Variants in GOLGA8K observed in about 807,000 individuals in gnomAD.
GOLGA8K encodes the protein golgin A8 family member K.
A neutral mutation model predicts 75.2 loss-of-function variants in GOLGA8K; 12 were observed. That is an observed-to-expected ratio of 0.16 (90% CI 0.10 to 0.26). The LOEUF (loss-of-function observed/expected upper bound fraction) is 0.26. Ranked by LOEUF, GOLGA8K falls within the 10% of genes least tolerant of loss-of-function variation. GOLGA8K has a pLI of 1.00. For synonymous variants in GOLGA8K, 48 were observed against 236.6 expected (o/e 0.20, Z 7.32); for missense variants, 109 against 640.8 (o/e 0.17, Z 8.96).
chr15:32,401,649 G>GA (rs372835527), intron 1 of GOLGA8K, among the ~76,000 whole-genome samples, 174 bp from the exon 2 acceptor site: 10,304 of 71,884 alleles, frequency 0.14, 759 homozygotes, highest in East Asian at 0.41. Flanking sequence ...ATCATGGCTA[G>GA]AAAAAAAAAA....
chr15:32,393,589 A>T lies in GOLGA8K; in HGVS notation c.1366-19T>A. On this transcript the variant is annotated intron_variant, in intron 15 of 18. Coordinates refer to ENST00000512626, the MANE Select transcript of GOLGA8K (RefSeq NM_001282493.2). ...AGCTGCTCTGGAGCCAAAATATTGC[A>T]GTCACATCTCGGCAGCGACCTGCCC... 1 of 979,044 alleles carries T rather than the reference A, an allele frequency of 1.0e-6. No individual in the cohort carries two copies. The highest frequency in any genetic ancestry group is 1.4e-5 in the South Asian group (1 of 69,606). 60.6% of individuals were successfully genotyped at this position (979,044 alleles called of 1,614,324 possible).
chr15:32,394,909 T>C (rs2054588819), intron 13 of GOLGA8K, among the ~76,000 whole-genome samples, 169 bp from the exon 14 acceptor site: 1 of 145,086 alleles, frequency 6.9e-6, no homozygotes, highest in Non-Finnish European at 1.5e-5. Flanking sequence ...ATTAGCTGGG[T>C]CTGCTGCAGT....
In GOLGA8K at chr15:32,394,240, G is replaced by T. The variant is rs575034543; in HGVS notation, c.1277-7C>A. ...TCCAGATGTTCTCCGTGTCCTGTGG[G>T]GGGTGGCCAGAGGGGTCTTCAGACA... On this transcript the variant is annotated splice_region_variant and splice_polypyrimidine_tract_variant and intron_variant, in intron 14 of 18. Transcript: ENST00000512626. 11 of 1,526,730 alleles carry T rather than the reference G, an allele frequency of 7.2e-6. 1 individual carries two copies. The highest frequency in any genetic ancestry group is 9.7e-6 in the Non-Finnish European group (11 of 1,131,794). 94.6% of individuals were successfully genotyped at this position (1,526,730 alleles called of 1,614,324 possible).
chr15:32,396,146 C>T, intron 12 of GOLGA8K, 115 bp from the exon 13 acceptor site: 1 of 693,160 alleles, frequency 1.4e-6, no homozygotes, highest in South Asian at 1.7e-5. Context: ...ATCACTCCCT[C>T]TCTCCCACAG....
chr15:32,397,256 G>T lies in GOLGA8K; in HGVS notation c.733C>A (p.Leu245Ile), dbSNP rs773101379. The change falls in exon 10 of 19, where the codon CTA (leucine) becomes ATA (isoleucine). Residue 245 changes from leucine (L) to isoleucine (I), a missense_variant. Leu to Ile is a conservative substitution (Grantham distance 5, BLOSUM62 2). Transcript: ENST00000512626. ...QLERDEYSEH[L>I]KGERARWQQR... ...TGCCACCGGGCCCTCTCTCCTTTTA[G>T]ATGTTCAGAATACTCATCTCTTTCT... 25 of 1,567,878 alleles carry T rather than the reference G, an allele frequency of 1.6e-5. 2 individuals carry two copies. Among genetic ancestry groups the T allele is most frequent in the African/African-American group, 1.2e-4 (8 of 67,782 alleles).
chr15:32,395,584 T>G, intron 13 of GOLGA8K, among the ~76,000 whole-genome samples: 2 of 144,526 alleles, frequency 1.4e-5, no homozygotes, highest in African/African-American at 2.5e-5. Flanking sequence ...AGAGATGAGG[T>G]TTTACCACAT....
Position 32,394,982 on chromosome 15 carries a change from C to A in GOLGA8K, c.1201-242G>T, listed in dbSNP as rs1490967094. Among the ~76,000 whole-genome samples, 3 of 150,064 alleles carry A rather than the reference C, an allele frequency of 2.0e-5. No individual in the cohort carries two copies. The East Asian group carries it at 6.0e-4, about 30-fold the overall frequency. On this transcript the variant is annotated intron_variant, in intron 13 of 18. Coordinates refer to ENST00000512626, the MANE Select transcript of GOLGA8K (RefSeq NM_001282493.2). The stretch of plus-strand genomic sequence containing the variant: ...GCTGATAGGTGGCCACGTACTGCTG[C>A]AGGTGACCCAGGTAATGGTCTGGCT...
intron 13 of GOLGA8K, 124 bp downstream of exon 13, chr15:32,395,839 G>A (rs2054605631): frequency 2.7e-6 from 4 of 1,505,236 alleles, no homozygotes; most frequent in Non-Finnish European, 3.6e-6. Context: ...ACTGCCCTGG[G>A]GGGTGCTGTG....
At position 32,395,966 on chromosome 15, in the gene GOLGA8K, G is replaced by A. The variant is rs1439306903; in HGVS notation, c.1197C>T (p.Gly399=). The A allele has an allele frequency of 2.4e-5, 30 of 1,229,732 alleles. 2 individuals are homozygous for A. The highest frequency in any genetic ancestry group is 2.0e-4 in the African/African-American group (13 of 64,952). 76.2% of individuals were successfully genotyped at this position (1,229,732 alleles called of 1,614,324 possible). ...TGGAGGTTTCCGTCTCCTTCACCTC[G>A]CCAAGCTTCTCCTGTAGCTCCTTTA... is the stretch of plus-strand genomic sequence containing the variant. The part of the protein sequence containing the change: ...QQVKELQEKL[G]EEHLEAASQQ... The change falls in exon 13 of 19, where the codon GGC becomes GGT. Residue 399 remains glycine (G), a synonymous_variant. Coordinates refer to ENST00000512626, the MANE Select transcript of GOLGA8K (RefSeq NM_001282493.2).
chr15:32,397,659 A>G (rs2054643878), intron 8 of GOLGA8K, among the ~76,000 whole-genome samples, 156 bp from the exon 9 acceptor site: 1 of 151,924 alleles, frequency 6.6e-6, no homozygotes, highest in African/African-American at 2.4e-5. Flanking sequence ...AGAACACAGT[A>G]AAGTTGGAAC....
Position 32,394,245 on chromosome 15 carries a change from G to A in GOLGA8K, c.1277-12C>T, listed in dbSNP as rs1304025528. On this transcript the variant is annotated splice_polypyrimidine_tract_variant and intron_variant, in intron 14 of 18. Coordinates refer to ENST00000512626, the MANE Select transcript of GOLGA8K (RefSeq NM_001282493.2). ...ATGTTCTCCGTGTCCTGTGGGGGGT[G>A]GCCAGAGGGGTCTTCAGACAACCCA... 3 of 1,520,202 alleles carry A rather than the reference G, an allele frequency of 2.0e-6. No homozygotes were observed. The highest frequency in any genetic ancestry group is 2.7e-6 in the Non-Finnish European group (3 of 1,126,426). 94.2% of individuals were successfully genotyped at this position (1,520,202 alleles called of 1,614,324 possible).
chr15:32,397,376 G>T, intron 9 of GOLGA8K, 41 bp downstream of exon 9: 4 of 1,091,096 alleles, frequency 3.7e-6, no homozygotes, highest in Non-Finnish European at 5.5e-6. Context: ...TGGCCACCTG[G>T]GGTCATCTTC....
Position 32,397,236 on chromosome 15 carries a change from C to G in GOLGA8K, c.753G>C (p.Arg251=). The G allele has an allele frequency of 3.2e-6, 5 of 1,539,492 alleles. No homozygotes were observed. In the South Asian group the frequency reaches 3.4e-5, roughly 10 times the overall value. Residue 251 remains arginine, a synonymous_variant, in exon 10 of 19, where the codon CGG becomes CGC. Coordinates refer to ENST00000512626, the MANE Select transcript of GOLGA8K (RefSeq NM_001282493.2). ...ACATTTTTCTCATCCTCTGCTGCCA[C>G]CGGGCCCTCTCTCCTTTTAGATGTT... ...YSEHLKGERA[R]WQQRMRKMSQ...
At chr15:32,395,517 T>C (rs1447257309) in intron 13 of GOLGA8K, among the ~76,000 whole-genome samples, 2 of 145,606 alleles carry the variant, frequency 1.4e-5, no homozygotes, top group Non-Finnish European at 3.1e-5. Flanking sequence ...GTAGGTGGAA[T>C]TACAGGCATG....
intron 13 of GOLGA8K, 28 bp from the exon 14 acceptor site, chr15:32,394,768 G>C: frequency 1.3e-6 from 2 of 1,511,830 alleles, no homozygotes; most frequent in South Asian, 2.3e-5. Context: ...AGTGAGAAGG[G>C]GTGGAGTTTG....
intron 13 of GOLGA8K, 102 bp downstream of exon 13, chr15:32,395,861 C>G (rs2054605946): frequency 6.5e-7 from 1 of 1,537,210 alleles, no homozygotes; most frequent in African/African-American, 1.4e-5. Context: ...TCACCAGCCC[C>G]CAGGCTGGAA....
At chr15:32,397,049 T>C in intron 10 of GOLGA8K, 42 bp from the exon 11 acceptor site, 1 of 560,042 alleles carries the variant, frequency 1.8e-6, no homozygotes, top group Non-Finnish European at 3.0e-6. Context: ...AGAGAGGGGC[T>C]GGAGGCTGGA....
intron 13 of GOLGA8K, 100 bp from the exon 14 acceptor site, chr15:32,394,840 T>G (rs1325647645): frequency 7.6e-7 from 1 of 1,323,232 alleles, no homozygotes; most frequent in African/African-American, 1.5e-5. Context: ...TCCTGCAACT[T>G]TTGGCAGGCC....
chr15:32,395,956 C>G lies in GOLGA8K; in HGVS notation c.1200+7G>C. The G allele has an allele frequency of 8.2e-7, 1 of 1,219,298 alleles. No homozygotes were observed. Among genetic ancestry groups the G allele is most frequent in the Non-Finnish European group, 1.2e-6 (1 of 860,258 alleles). The allele number at this position is 1,219,298 out of a possible 1,614,324, so 75.5% of individuals were successfully genotyped here. A position where few individuals can be genotyped will look rare whatever the true frequency, so the allele number is the denominator to read the frequency against. ...TTGGATGGGGTGGAGGTTTCCGTCT[C>G]CTTCACCTCGCCAAGCTTCTCCTGT... On this transcript the variant is annotated splice_region_variant and intron_variant, in intron 13 of 18. Coordinates refer to ENST00000512626, the MANE Select transcript of GOLGA8K (RefSeq NM_001282493.2).
Sources: gnomAD v4.1 joint callset for allele counts (sites outside exome capture counted in the v4.1 genomes callset) on GRCh38, gnomAD v4.1.1 for gene constraint, MANE v1.5 for transcripts, NCBI Gene and HGNC (gene_info 2026-07-23, HGNC 2026-07-21) for gene names.